Variants in RGS7 observed in about 807,000 individuals in gnomAD.
RGS7 encodes regulator of G protein signaling 7.
RGS7 carries 27 observed loss-of-function variants against 81.1 expected under a neutral mutation model. The ratio of observed to expected loss-of-function variants is 0.33; its 90% CI spans 0.25 to 0.46. RGS7 has a LOEUF of 0.46. Ranked by LOEUF, RGS7 falls within the 20% of genes least tolerant of loss-of-function variation. The probability of loss-of-function intolerance (pLI) is 1.00; values close to 1 mark genes in which losing one functional copy is unlikely to be tolerated. For synonymous variants in RGS7, 208 were observed against 207.7 expected (o/e 1.00, Z -0.01); for missense variants, 396 against 607.4 (o/e 0.65, Z 3.66).
At chr1:241,082,924 T>C (rs1027397148) in intron 3 of RGS7, among the ~76,000 whole-genome samples, 3 of 151,974 alleles carry the variant, frequency 2.0e-5, no homozygotes, top group Non-Finnish European at 2.9e-5. Flanking sequence ...ATTTAGCTAT[T>C]AGAAAAAGAA....
intron 2 of RGS7, among the ~76,000 whole-genome samples, chr1:241,183,183 C>T (rs1009927986): frequency 2.0e-5 from 3 of 152,218 alleles, no homozygotes; most frequent in African/African-American, 4.8e-5. Context: ...TGTCCCACCT[C>T]TCAATCCTTG....
At chr1:241,139,315 CTTCT>C (rs1457532491) in intron 2 of RGS7, among the ~76,000 whole-genome samples, 9 of 146,864 alleles carry the variant, frequency 6.1e-5, no homozygotes, top group Non-Finnish European at 1.4e-4. Context: ...TCCTTCCTTC[CTTCT>C]ATTCTTCCTC....
At chr1:240,845,825 G>T (rs1013620776) in intron 9 of RGS7, among the ~76,000 whole-genome samples, 1 of 152,188 alleles carries the variant, frequency 6.6e-6, no homozygotes, top group African/African-American at 2.4e-5. Flanking sequence ...TTAGAGTAAT[G>T]TATCCTGAAG....
chr1:240,914,472 A>G (rs934317819), intron 6 of RGS7, among the ~76,000 whole-genome samples: 1 of 152,170 alleles, frequency 6.6e-6, no homozygotes, highest in African/African-American at 2.4e-5. Context: ...TAATGGCTGG[A>G]TTTCAGATAC....
chr1:240,916,095 T>C (rs1286250230), intron 6 of RGS7, among the ~76,000 whole-genome samples: 2 of 142,100 alleles, frequency 1.4e-5, no homozygotes, highest in African/African-American at 2.7e-5. Flanking sequence ...AAACCCTGTG[T>C]CTACTAAAAA....
At chr1:241,092,201 A>T (rs1330044652) in intron 3 of RGS7, among the ~76,000 whole-genome samples, 1 of 152,218 alleles carries the variant, frequency 6.6e-6, no homozygotes, top group Admixed American at 6.5e-5. Flanking sequence ...GTCAGTTTTA[A>T]TTCACTCAAA....
intron 4 of RGS7, among the ~76,000 whole-genome samples, chr1:240,954,784 G>A (rs540366715): frequency 6.6e-6 from 1 of 152,246 alleles, no homozygotes; most frequent in African/African-American, 2.4e-5. Flanking sequence ...ATACACATTG[G>A]AAAAGAAGAA....
intron 6 of RGS7, among the ~76,000 whole-genome samples, chr1:240,888,227 C>A (rs552219858): frequency 1.3e-5 from 2 of 152,298 alleles, no homozygotes; most frequent in South Asian, 4.1e-4. Context: ...CTGCAGAGGG[C>A]GCCATTGCAC....
intron 15 of RGS7, among the ~76,000 whole-genome samples, chr1:240,804,525 GT>G (rs1369074785): frequency 6.7e-6 from 1 of 149,972 alleles, no homozygotes; most frequent in Non-Finnish European, 1.5e-5. Flanking sequence ...AAGTGGTATT[GT>G]TTTCTATAGA....
At chr1:241,097,615 G>A (rs1013843694) in intron 3 of RGS7, among the ~76,000 whole-genome samples, 14 of 151,992 alleles carry the variant, frequency 9.2e-5, no homozygotes, top group African/African-American at 3.1e-4. Flanking sequence ...AGCATCAGCC[G>A]CCTTCTTCTC....
At chr1:241,298,614 C>T (rs1041168392) in intron 2 of RGS7, among the ~76,000 whole-genome samples, 77 of 152,296 alleles carry the variant, frequency 5.1e-4, no homozygotes, top group African/African-American at 1.8e-3. Context: ...TATAGAGATG[C>T]TTAGTCTAAA....
chr1:240,860,996 AG>A (rs1264133254), intron 9 of RGS7, among the ~76,000 whole-genome samples: 1 of 152,250 alleles, frequency 6.6e-6, no homozygotes, highest in African/African-American at 2.4e-5. Flanking sequence ...TCAACTACTC[AG>A]ACTCAATATT....
In RGS7 at chr1:241,073,901, G is replaced by A. The variant is rs570745306; in HGVS notation, c.175+24765C>T. On this transcript the variant is annotated intron_variant, in intron 3 of 18. Coordinates refer to ENST00000440928, the MANE Select transcript of RGS7 (RefSeq NM_001364886.1). Reference sequence around the variant, plus strand: ...ACTGTCTTTCTGTCTTTGTCTCTTCGTTCCTTTTTTTTTTTTTTTGATAGA... The same window carrying A: ...ACTGTCTTTCTGTCTTTGTCTCTTCATTCCTTTTTTTTTTTTTTTGATAGA... Among the ~76,000 whole-genome samples the A allele has an allele frequency of 6.8e-5, 10 of 147,382 alleles. No individual in the cohort carries two copies. In the East Asian group the frequency reaches 1.6e-3, roughly 23 times the overall value.
intron 3 of RGS7, among the ~76,000 whole-genome samples, chr1:241,026,685 G>T (rs1166804648): frequency 6.6e-6 from 1 of 152,200 alleles, no homozygotes; most frequent in South Asian, 2.1e-4. Context: ...CCATGCTCTG[G>T]GGGTACTTAC....
intron 2 of RGS7, among the ~76,000 whole-genome samples, chr1:241,257,023 C>A (rs1292241916): frequency 6.6e-6 from 1 of 151,376 alleles, no homozygotes; most frequent in East Asian, 1.9e-4. Context: ...TGTGTGTATA[C>A]ACTATATATA....
intron 2 of RGS7, among the ~76,000 whole-genome samples, chr1:241,185,834 G>A (rs937650230): frequency 6.6e-6 from 1 of 151,994 alleles, no homozygotes; most frequent in African/African-American, 2.4e-5. Flanking sequence ...ATGCATTCAA[G>A]ACACAGCTTA....
intron 2 of RGS7, among the ~76,000 whole-genome samples, chr1:241,207,749 C>T (rs4660043): frequency 0.22 from 33,319 of 152,046 alleles, 4,516 homozygotes; most frequent in East Asian, 0.63. Context: ...ATCTTCCACA[C>T]GTTTGGAAGC....
chr1:240,938,426 T>C (rs1677002644), intron 4 of RGS7, among the ~76,000 whole-genome samples: 1 of 152,164 alleles, frequency 6.6e-6, no homozygotes, highest in African/African-American at 2.4e-5. Context: ...CCATCAACCA[T>C]GGGGAGCTTT....
chr1:241,080,984 T>G (rs1296049473), intron 3 of RGS7, among the ~76,000 whole-genome samples: 1 of 152,174 alleles, frequency 6.6e-6, no homozygotes, highest in East Asian at 1.9e-4. Flanking sequence ...GATTGTTTTC[T>G]TTTTCTGTCC....
Sources: gnomAD v4.1 joint callset for allele counts (sites outside exome capture counted in the v4.1 genomes callset) on GRCh38, gnomAD v4.1.1 for gene constraint, MANE v1.5 for transcripts, NCBI Gene and HGNC (gene_info 2026-07-23, HGNC 2026-07-21) for gene names.